COG5: variants seen among roughly 807,000 people sequenced by gnomAD.
COG5 encodes conserved oligomeric Golgi complex subunit 5.
In COG5, 86 loss-of-function variants were observed where a neutral mutation model predicts 110.4. The ratio of observed to expected loss-of-function variants is 0.78; its 90% confidence interval spans 0.65 to 0.93. COG5 has a LOEUF of 0.93. Among genes scored for constraint, COG5 ranks in the 40% least tolerant of loss-of-function variants. The probability of loss-of-function intolerance (pLI) is 0.00; values close to 1 mark genes in which losing one functional copy is unlikely to be tolerated. For synonymous variants in COG5, 360 were observed against 334.6 expected (o/e 1.08, Z -0.83); for missense variants, 1,077 against 987.0 (o/e 1.09, Z -1.22).
At chr7:107,283,803 A>G in intron 12 of COG5, 71 bp from the exon 13 acceptor site, 1 of 1,118,300 alleles carries the variant, frequency 8.9e-7, no homozygotes. Flanking sequence ...TCAGGCTGTA[A>G]ATACCTTTTT....
chr7:107,503,165 G>GGTTGAT (rs577766858), intron 6 of COG5, among the ~76,000 whole-genome samples: 19 of 151,932 alleles, frequency 1.3e-4, no homozygotes, highest in Non-Finnish European at 2.7e-4. Context: ...ATCCATCTTG[G>GGTTGAT]GTTGATTTTT....
chr7:107,558,596 T>G (rs901279314), intron 1 of COG5, among the ~76,000 whole-genome samples: 6 of 138,658 alleles, frequency 4.3e-5, no homozygotes, highest in African/African-American at 1.6e-4. Context: ...AGAGCAAGAC[T>G]TTATCTCTGG....
At chr7:107,232,348 C>T (rs1399335654) in intron 18 of COG5, among the ~76,000 whole-genome samples, 1 of 152,096 alleles carries the variant, frequency 6.6e-6, no homozygotes, top group African/African-American at 2.4e-5. Context: ...ACACTGAGCA[C>T]AAAGGAAAAA....
intron 6 of COG5, among the ~76,000 whole-genome samples, chr7:107,418,797 A>G (rs1280634419): frequency 6.6e-6 from 1 of 151,658 alleles, no homozygotes; most frequent in Non-Finnish European, 1.5e-5. Flanking sequence ...TGTCTGAAAT[A>G]GAGTCTTGCT....
At chr7:107,284,287 C>T (rs1455669398) in intron 12 of COG5, among the ~76,000 whole-genome samples, 1 of 152,160 alleles carries the variant, frequency 6.6e-6, no homozygotes, top group Non-Finnish European at 1.5e-5. Flanking sequence ...TGCACCAATA[C>T]CTACTGTATT....
intron 6 of COG5, among the ~76,000 whole-genome samples, chr7:107,482,515 C>G (rs1328103059): frequency 6.6e-6 from 1 of 151,916 alleles, no homozygotes; most frequent in Admixed American, 6.6e-5. Flanking sequence ...CTTTAGATAT[C>G]AGAAGACAGA....
intron 6 of COG5, among the ~76,000 whole-genome samples, chr7:107,513,818 T>A (rs1014619391): frequency 6.6e-5 from 10 of 151,492 alleles, no homozygotes; most frequent in East Asian, 1.9e-4. Flanking sequence ...AAACACCATA[T>A]CTTCTCACTG....
At chr7:107,244,649 T>C (rs934167994) in intron 17 of COG5, among the ~76,000 whole-genome samples, 3 of 149,982 alleles carry the variant, frequency 2.0e-5, no homozygotes, top group Non-Finnish European at 4.5e-5. Flanking sequence ...ACTGACCCCA[T>C]AGGAAAAAAA....
chr7:107,542,489 C>T, intron 5 of COG5, among the ~76,000 whole-genome samples: 1 of 152,066 alleles, frequency 6.6e-6, no homozygotes, highest in East Asian at 1.9e-4. Context: ...AAATCAGAAA[C>T]CCTATAACCC....
chr7:107,342,592 T>C (rs1306173809), intron 10 of COG5, among the ~76,000 whole-genome samples: 3 of 151,868 alleles, frequency 2.0e-5, no homozygotes, highest in Admixed American at 2.0e-4. Context: ...GCAGGAGACT[T>C]GCTTGAACCT....
chr7:107,289,908 T>C (rs1488074451), intron 12 of COG5, among the ~76,000 whole-genome samples: 2 of 152,198 alleles, frequency 1.3e-5, no homozygotes, highest in Non-Finnish European at 2.9e-5. Context: ...AAAGTTAAGC[T>C]TGGAAATTGA....
intron 6 of COG5, among the ~76,000 whole-genome samples, chr7:107,441,956 A>G (rs1438003210): frequency 1.3e-5 from 2 of 152,228 alleles, no homozygotes; most frequent in Non-Finnish European, 1.5e-5. Flanking sequence ...AGCCCAAACT[A>G]TGATCCATGA....
At chr7:107,345,894 T>A (rs547274836) in intron 10 of COG5, among the ~76,000 whole-genome samples, 1 of 152,334 alleles carries the variant, frequency 6.6e-6, no homozygotes, top group South Asian at 2.1e-4. Flanking sequence ...TTTTGCTATT[T>A]GAGCAAGCAG....
intron 17 of COG5, among the ~76,000 whole-genome samples, chr7:107,240,111 G>T (rs1002831070): frequency 2.0e-5 from 3 of 152,136 alleles, no homozygotes; most frequent in Non-Finnish European, 2.9e-5. Context: ...ATGTCAATCA[G>T]ATATTTACAT....
intron 6 of COG5, among the ~76,000 whole-genome samples, chr7:107,496,994 G>A (rs1798318000): frequency 6.6e-6 from 1 of 152,056 alleles, no homozygotes; most frequent in African/African-American, 2.4e-5. Context: ...AGAATCACTT[G>A]AGCCCAGGAG....
At chr7:107,434,383 A>G (rs1050944032) in intron 6 of COG5, among the ~76,000 whole-genome samples, 11 of 152,224 alleles carry the variant, frequency 7.2e-5, no homozygotes, top group Non-Finnish European at 1.5e-4. Context: ...TGTTCACTGC[A>G]GCTATTATTC....
At chr7:107,266,185 T>C (rs956483546) in intron 14 of COG5, among the ~76,000 whole-genome samples, 7 of 152,194 alleles carry the variant, frequency 4.6e-5, no homozygotes, top group African/African-American at 1.7e-4. Context: ...AGGACAAATC[T>C]GTAGGTTTAC....
At chr7:107,268,727 T>C (rs13230144) in intron 14 of COG5, among the ~76,000 whole-genome samples, 30,698 of 152,184 alleles carry the variant, frequency 0.2, 3,484 homozygotes, top group East Asian at 0.31. Context: ...TTTCTCAATA[T>C]GTGACCTTCA....
chr7:107,403,840 G>A lies in COG5; in HGVS notation c.669+8662C>T, dbSNP rs562931175. Among the ~76,000 whole-genome samples, 810 of 152,042 alleles carry A rather than the reference G, an allele frequency of 5.3e-3. 21 individuals carry two copies. The highest frequency in any genetic ancestry group is 4.1e-3 in the Non-Finnish European group (278 of 67,974). On this transcript the variant is annotated intron_variant, in intron 7 of 21. Coordinates refer to ENST00000297135, the MANE Select transcript of COG5 (RefSeq NM_006348.5). ...GGAGAATTTAAGGAGGATGCATTGG[G>A]AACATAGCAGCCATAAAAATGAAGT...
Sources: gnomAD v4.1 joint callset for allele counts (sites outside exome capture counted in the v4.1 genomes callset) on GRCh38, gnomAD v4.1.1 for gene constraint, MANE v1.5 for transcripts, NCBI Gene and HGNC (gene_info 2026-07-23, HGNC 2026-07-21) for gene names.